The following ATP13A5 variants were observed in gnomAD, a reference collection of about 807,000 sequenced individuals.
ATP13A5 encodes ATPase 13A5.
ATP13A5 carries 149 observed loss-of-function variants against 150.2 expected under a neutral mutation model. The observed-to-expected ratio is 0.99, with a 90% confidence interval of 0.87 to 1.14. The LOEUF is 1.14. ATP13A5 is among the 50% of genes most tolerant of loss of function. The pLI is 0.00. For synonymous variants in ATP13A5, 497 were observed against 522.2 expected, an observed-to-expected ratio of 0.95 and a Z score of 0.66; for missense variants, 1,383 against 1,449.3, an observed-to-expected ratio of 0.95 and a Z score of 0.74.
intron 11 of ATP13A5, among the ~76,000 whole-genome samples, chr3:193,332,522 T>C (rs2108873463): frequency 6.6e-6 from 1 of 152,350 alleles, no homozygotes; most frequent in South Asian, 2.1e-4. Context: ...CTCACCTATG[T>C]TTTTGTTAAA....
Position 193,300,996 on chromosome 3 carries a change from GA to G in ATP13A5, c.2775+214del, listed in dbSNP as rs1718376545. ...GGTGAAGAGTCTCAGGTTATCAAGA[GA>G]AAAACAACACACTAGAAAACTCATC... On this transcript the variant is annotated intron_variant, in intron 24 of 29. Transcript: ENST00000342358. Among the ~76,000 whole-genome samples, 4 of 152,254 alleles carry G rather than the reference GA, an allele frequency of 2.6e-5. No homozygotes were observed. In the South Asian group the frequency reaches 8.3e-4, roughly 32 times the overall value.
At chr3:193,337,178 T>G in intron 9 of ATP13A5, among the ~76,000 whole-genome samples, 1 of 152,210 alleles carries the variant, frequency 6.6e-6, no homozygotes, top group Non-Finnish European at 1.5e-5. Context: ...TTTCTCCCAT[T>G]CTCTAGGTTG....
chr3:193,375,595 G>A (rs1208135976), intron 1 of ATP13A5, among the ~76,000 whole-genome samples: 1 of 152,162 alleles, frequency 6.6e-6, no homozygotes, highest in Non-Finnish European at 1.5e-5. Flanking sequence ...GTGGATGGGA[G>A]TAGGTTGGAA....
intron 23 of ATP13A5, 111 bp from the exon 24 acceptor site, chr3:193,301,418 C>T: frequency 1.4e-6 from 1 of 725,964 alleles, no homozygotes; most frequent in Non-Finnish European, 2.3e-6. Context: ...CATACATTCA[C>T]TTAATCATGA....
intron 22 of ATP13A5, among the ~76,000 whole-genome samples, chr3:193,306,173 C>A (rs775188390): frequency 1.3e-5 from 2 of 150,126 alleles, no homozygotes; most frequent in Non-Finnish European, 3.0e-5. Flanking sequence ...GAGTACCTGG[C>A]GCCATGAGTA....
intron 17 of ATP13A5, 55 bp from the exon 18 acceptor site, chr3:193,315,151 T>A: frequency 6.6e-7 from 1 of 1,511,404 alleles, no homozygotes; most frequent in Non-Finnish European, 8.9e-7. Context: ...GCTCCATAGT[T>A]CAATTTATTT....
At chr3:193,350,606 C>A (rs1272229857) in intron 7 of ATP13A5, among the ~76,000 whole-genome samples, 1 of 152,038 alleles carries the variant, frequency 6.6e-6, no homozygotes, top group African/African-American at 2.4e-5. Flanking sequence ...TTATAAAGGA[C>A]TTCTAAGAGG....
intron 7 of ATP13A5, among the ~76,000 whole-genome samples, chr3:193,347,825 TC>T (rs1044775283): frequency 1.3e-5 from 2 of 152,180 alleles, no homozygotes; most frequent in African/African-American, 4.8e-5. Context: ...ACTCTGCAAA[TC>T]CCTACAATTC....
intron 9 of ATP13A5, among the ~76,000 whole-genome samples, chr3:193,338,127 T>C (rs1459649911): frequency 1.3e-5 from 2 of 152,202 alleles, no homozygotes; most frequent in Non-Finnish European, 2.9e-5. Flanking sequence ...TTAAGGAGAT[T>C]TTGTGCTGAG....
intron 1 of ATP13A5, among the ~76,000 whole-genome samples, chr3:193,374,671 ACACG>A (rs1162668418): frequency 1.3e-5 from 2 of 151,814 alleles, no homozygotes; most frequent in Non-Finnish European, 2.9e-5. Context: ...ACACACACAC[ACACG>A]CATACATAGT....
At chr3:193,314,269 C>G (rs1029511744) in intron 18 of ATP13A5, 76 bp from the exon 19 acceptor site, 1 of 1,490,046 alleles carries the variant, frequency 6.7e-7, no homozygotes, top group Admixed American at 1.9e-5. Flanking sequence ...CTCCCTTTTC[C>G]ACTCTGCTTG....
intron 5 of ATP13A5, among the ~76,000 whole-genome samples, chr3:193,360,575 T>C (rs1247410297): frequency 1.3e-5 from 2 of 152,222 alleles, no homozygotes; most frequent in African/African-American, 2.4e-5. Flanking sequence ...CCAAATAACA[T>C]AAATATGACC....
intron 10 of ATP13A5, among the ~76,000 whole-genome samples, chr3:193,334,206 G>A (rs1711755076): frequency 6.6e-6 from 1 of 152,188 alleles, no homozygotes; most frequent in African/African-American, 2.4e-5. Context: ...ACTAAAGCAT[G>A]CAGGTATCAC....
chr3:193,377,716 A>C (rs1713691407), intron 1 of ATP13A5, among the ~76,000 whole-genome samples: 1 of 152,210 alleles, frequency 6.6e-6, no homozygotes, highest in South Asian at 2.1e-4. Context: ...CAGGAAACTG[A>C]CATCATTCTA....
chr3:193,287,365 C>A lies in ATP13A5; in HGVS notation c.3024-2249G>T, dbSNP rs543197410. Among the ~76,000 whole-genome samples the A allele has an allele frequency of 1.3e-4, 20 of 152,242 alleles. No individual in the cohort carries two copies. The South Asian group carries it at 2.7e-3, about 21-fold the overall frequency. ...GATAAGTCAATAACTGGATTCAAGGCTCCAAAGGAGAGGCTGTCTCTCTTA... is the reference window on the plus strand; with the variant it reads ...GATAAGTCAATAACTGGATTCAAGGATCCAAAGGAGAGGCTGTCTCTCTTA... On this transcript the variant is annotated intron_variant, in intron 26 of 29. Transcript: ENST00000342358.
At chr3:193,307,207 C>T in intron 22 of ATP13A5, 120 bp downstream of exon 22, 3 of 1,563,806 alleles carry the variant, frequency 1.9e-6, no homozygotes, top group Non-Finnish European at 2.6e-6. Context: ...TGGATATAAA[C>T]AGCAAAATAA....
intron 26 of ATP13A5, 85 bp downstream of exon 26, chr3:193,289,800 G>A: frequency 2.3e-6 from 3 of 1,318,910 alleles, no homozygotes; most frequent in Non-Finnish European, 3.1e-6. Flanking sequence ...AAAGTTTTAG[G>A]ATATATGTTC....
intron 1 of ATP13A5, among the ~76,000 whole-genome samples, chr3:193,370,350 G>T (rs6789716): frequency 6.6e-6 from 1 of 152,042 alleles, no homozygotes. Context: ...CCTTCTAGAA[G>T]CTCTCACTTC....
At chr3:193,355,744 C>T (rs1712759041) in intron 5 of ATP13A5, among the ~76,000 whole-genome samples, 1 of 152,146 alleles carries the variant, frequency 6.6e-6, no homozygotes, top group Non-Finnish European at 1.5e-5. Context: ...ATAACTCAAA[C>T]CATTTCAGTA....
Sources: allele counts gnomAD v4.1 joint callset (sites outside exome capture counted in the v4.1 genomes callset), GRCh38; gene constraint gnomAD v4.1.1; transcripts MANE v1.5; gene names NCBI Gene and HGNC (gene_info 2026-07-23, HGNC 2026-07-21).